The following LRP1B variants were observed in gnomAD, a reference collection of about 807,000 sequenced individuals.
The protein encoded by LRP1B is low-density lipoprotein receptor-related protein 1B.
In LRP1B, 217 loss-of-function variants were observed where a neutral mutation model predicts 556.6. The ratio of observed to expected loss-of-function variants is 0.39; its 90% CI spans 0.35 to 0.44. The LOEUF (loss-of-function observed/expected upper bound fraction) is 0.44, where lower values mean the gene tolerates loss of function less well. Ranked by LOEUF, LRP1B falls within the 20% of genes least tolerant of loss-of-function variation. The pLI, the probability that LRP1B is intolerant of heterozygous loss-of-function variation, is 1.00. For synonymous variants in LRP1B, 2,047 were observed against 1,865.8 expected, an observed-to-expected ratio of 1.10 and a Z score of -2.50; for missense variants, 5,053 against 5,620.8, an observed-to-expected ratio of 0.90 and a Z score of 3.23.
chr2:140,328,488 G>C (rs1057357288), intron 79 of LRP1B, among the ~76,000 whole-genome samples: 1 of 136,176 alleles, frequency 7.3e-6, no homozygotes, highest in Admixed American at 7.0e-5. Context: ...AAAAAAAAAA[G>C]AAAATGAAGA....
intron 72 of LRP1B, among the ~76,000 whole-genome samples, chr2:140,362,859 C>T (rs114026714): frequency 0.028 from 4,277 of 151,422 alleles, 76 homozygotes; most frequent in African/African-American, 0.036. Flanking sequence ...CATTAATATC[C>T]ATCTTCCACT....
At chr2:141,518,183 T>C (rs1314817435) in intron 2 of LRP1B, among the ~76,000 whole-genome samples, 1 of 151,414 alleles carries the variant, frequency 6.6e-6, no homozygotes, top group Non-Finnish European at 1.5e-5. Context: ...GTAACCATGA[T>C]GAAGGCAAAG....
At chr2:140,959,787 A>T (rs1340867187) in intron 18 of LRP1B, among the ~76,000 whole-genome samples, 1 of 151,768 alleles carries the variant, frequency 6.6e-6, no homozygotes, top group Non-Finnish European at 1.5e-5. Context: ...GGAGTAAGAC[A>T]AATTATATTT....
At chr2:140,632,167 G>A (rs1683910204) in intron 41 of LRP1B, among the ~76,000 whole-genome samples, 1 of 152,022 alleles carries the variant, frequency 6.6e-6, no homozygotes, top group Non-Finnish European at 1.5e-5. Context: ...TCAGGGAGAA[G>A]GAAAATGATA....
intron 18 of LRP1B, among the ~76,000 whole-genome samples, chr2:140,958,589 G>A (rs1695942462): frequency 6.6e-6 from 1 of 151,492 alleles, no homozygotes; most frequent in African/African-American, 2.4e-5. Context: ...ACAGGAAGGA[G>A]AGAAAATCAG....
At chr2:140,756,252 A>C (rs895989161) in intron 35 of LRP1B, among the ~76,000 whole-genome samples, 5 of 152,062 alleles carry the variant, frequency 3.3e-5, no homozygotes, top group Non-Finnish European at 7.4e-5. Context: ...GATCACAATA[A>C]TCCTCAGTTG....
At chr2:140,637,058 G>A (rs1684094430) in intron 41 of LRP1B, among the ~76,000 whole-genome samples, 1 of 152,112 alleles carries the variant, frequency 6.6e-6, no homozygotes, top group Non-Finnish European at 1.5e-5. Context: ...AAAGTGAAAT[G>A]CTGCATTGTA....
At chr2:140,637,460 T>A (rs1041357435) in intron 41 of LRP1B, among the ~76,000 whole-genome samples, 1 of 152,238 alleles carries the variant, frequency 6.6e-6, no homozygotes, top group African/African-American at 2.4e-5. Flanking sequence ...TCTTTAGAAC[T>A]ATCTAATGTG....
intron 1 of LRP1B, among the ~76,000 whole-genome samples, chr2:141,913,662 G>A (rs1699961434): frequency 6.6e-6 from 1 of 152,146 alleles, no homozygotes; most frequent in African/African-American, 2.4e-5. Flanking sequence ...GAAGATTTCG[G>A]TGTAGGTAGG....
chr2:141,036,843 A>G (rs1019114963), intron 11 of LRP1B, among the ~76,000 whole-genome samples: 11 of 151,754 alleles, frequency 7.2e-5, no homozygotes, highest in Non-Finnish European at 1.6e-4. Context: ...CGGACACAAA[A>G]TTGTATATTG....
intron 35 of LRP1B, among the ~76,000 whole-genome samples, chr2:140,736,904 G>A (rs921535490): frequency 3.3e-5 from 5 of 152,236 alleles, no homozygotes; most frequent in Admixed American, 6.5e-5. Flanking sequence ...CCAAAAGGCC[G>A]TAACTACCAT....
At chr2:141,045,275 T>A (rs1402671876) in intron 11 of LRP1B, among the ~76,000 whole-genome samples, 1 of 63,212 alleles carries the variant, frequency 1.6e-5, no homozygotes, top group African/African-American at 6.7e-5. Flanking sequence ...TGTTGTGGGG[T>A]GGGGGGAGGG....
intron 6 of LRP1B, among the ~76,000 whole-genome samples, chr2:141,222,443 C>A (rs1683084948): frequency 6.6e-6 from 1 of 152,144 alleles, no homozygotes; most frequent in African/African-American, 2.4e-5. Context: ...TGAATTCTAC[C>A]AGAGGTACAA....
At chr2:140,584,484 G>A (rs1184506269) in intron 43 of LRP1B, among the ~76,000 whole-genome samples, 1 of 151,998 alleles carries the variant, frequency 6.6e-6, no homozygotes, top group Non-Finnish European at 1.5e-5. Flanking sequence ...GCAGGTAGGA[G>A]AGGTGGCTGC....
At position 140,907,902 on chromosome 2, in the gene LRP1B, A is replaced by T. The variant is rs1424928562; in HGVS notation, c.3495T>A (p.Asp1165Glu). 6.2e-7 allele frequency: 1 copy of T among 1,613,496 alleles called. No homozygotes were observed. The highest frequency in any genetic ancestry group is 1.1e-5 in the South Asian group (1 of 91,070). ...KLCNGKKDCP[D>E]GSDEGYLCDE... ...CACAGAGATAGCCTTCATCAGAGCC[A>T]TCAGGACAATCCTTTTTCCCATTGC... is the stretch of plus-strand genomic sequence containing the variant. Residue 1165 changes from aspartate to glutamate, a missense_variant, in exon 22 of 91, where the codon GAT (aspartate) becomes GAA (glutamate). Physicochemically the swap from Asp to Glu is conservative, Grantham distance 45. Coordinates refer to ENST00000389484, the MANE Select transcript of LRP1B (RefSeq NM_018557.3).
At chr2:140,624,135 T>G (rs909683957) in intron 41 of LRP1B, among the ~76,000 whole-genome samples, 1 of 151,896 alleles carries the variant, frequency 6.6e-6, no homozygotes, top group Non-Finnish European at 1.5e-5. Flanking sequence ...GGTTGCTTGT[T>G]GTCAAGAAGA....
At chr2:141,229,101 C>A (rs2105292820) in intron 6 of LRP1B, 82 bp downstream of exon 6, 1 of 1,396,250 alleles carries the variant, frequency 7.2e-7, no homozygotes, top group African/African-American at 1.4e-5. Flanking sequence ...ATGAGCTATG[C>A]TAGAAATTTG....
chr2:140,966,056 T>C (rs1409682653), intron 18 of LRP1B, among the ~76,000 whole-genome samples: 8 of 152,314 alleles, frequency 5.3e-5, no homozygotes, highest in African/African-American at 9.6e-5. Flanking sequence ...TTATAATCCA[T>C]TGGGTATATA....
At chr2:141,726,363 T>C (rs1002640094) in intron 2 of LRP1B, among the ~76,000 whole-genome samples, 3 of 151,878 alleles carry the variant, frequency 2.0e-5, no homozygotes, top group African/African-American at 7.2e-5. Flanking sequence ...TTTAAACATA[T>C]ATAATTTTTT....
Sources: gnomAD v4.1 joint callset for allele counts (sites outside exome capture counted in the v4.1 genomes callset) on GRCh38, gnomAD v4.1.1 for gene constraint, MANE v1.5 for transcripts, NCBI Gene and HGNC (gene_info 2026-07-23, HGNC 2026-07-21) for gene names.